Variants in P4HA3 observed in about 807,000 individuals in gnomAD.
The protein encoded by P4HA3 is prolyl 4-hydroxylase subunit alpha 3.
P4HA3 carries 60 observed loss-of-function variants against 66.7 expected under a neutral mutation model. The observed-to-expected ratio is 0.90, with a 90% CI of 0.73 to 1.12. P4HA3 has a LOEUF of 1.12. Ranked by LOEUF, P4HA3 falls within the 50% of genes most tolerant of loss-of-function variation. The probability of loss-of-function intolerance (pLI) is 0.00; values close to 1 mark genes in which losing one functional copy is unlikely to be tolerated. For missense variants in P4HA3, 683 were observed against 685.8 expected (o/e 1.00, Z 0.05); for synonymous variants, 263 against 274.6 (o/e 0.96, Z 0.42).
Position 74,302,598 on chromosome 11 carries a change from A to C in P4HA3, c.344-6T>G. 2.5e-6 allele frequency: 4 copies of C among 1,606,954 alleles called. No homozygotes were observed. The highest frequency in any genetic ancestry group is 3.4e-6 in the Non-Finnish European group (4 of 1,176,566). ...CTCATAGCCATCCTTCAGAGCTGTA[A>C]AAGTAGTAAAAACATCAACCCAGCA... On this transcript the variant is annotated splice_region_variant and splice_polypyrimidine_tract_variant and intron_variant, in intron 2 of 12. Coordinates refer to ENST00000331597, the MANE Select transcript of P4HA3 (RefSeq NM_182904.5).
chr11:74,267,443 C>T, intron 12 of P4HA3, 125 bp from the exon 13 acceptor site: 1 of 1,219,994 alleles, frequency 8.2e-7, no homozygotes, highest in Non-Finnish European at 1.1e-6. Flanking sequence ...CTAGGTAACT[C>T]ACTTGCCCAG....
At chr11:74,308,925 A>G (rs1438908000) in intron 1 of P4HA3, among the ~76,000 whole-genome samples, 2 of 152,240 alleles carry the variant, frequency 1.3e-5, no homozygotes, top group Non-Finnish European at 1.5e-5. Context: ...TTAGGAAACT[A>G]AAGCTCAAAG....
intron 15 of P4HA3, chr11:74,253,697 C>G: frequency 1.5e-6 from 1 of 672,716 alleles, no homozygotes; most frequent in Non-Finnish European, 2.6e-6. Flanking sequence ...TTCCAGGGCC[C>G]TTGACCAACA....
chr11:74,289,132 T>C lies in P4HA3; in HGVS notation c.718-2A>G, dbSNP rs1203148419. 6.4e-7 allele frequency: 1 copy of C among 1,567,868 alleles called. No homozygotes were observed. Among genetic ancestry groups the C allele is most frequent in the Admixed American group, 1.8e-5 (1 of 54,068 alleles). ...GAGGGCACACGAAACATTTCCTGCC[T>C]GTTAAAAAAAAAAAAAAGAAAAGAA... is the stretch of plus-strand genomic sequence containing the variant. On this transcript the variant is annotated splice_acceptor_variant, in intron 4 of 12. Coordinates refer to ENST00000331597, the MANE Select transcript of P4HA3 (RefSeq NM_182904.5). LOFTEE classifies it high-confidence loss of function.
At chr11:74,259,062 G>C (rs1315661196) in intron 15 of P4HA3, among the ~76,000 whole-genome samples, 1 of 152,166 alleles carries the variant, frequency 6.6e-6, no homozygotes, top group Non-Finnish European at 1.5e-5. Context: ...CCTGGGGCCT[G>C]AGAGCAGTGG....
intron 15 of P4HA3, chr11:74,251,878 A>G: frequency 1.1e-6 from 1 of 934,088 alleles, no homozygotes; most frequent in Non-Finnish European, 1.7e-6. Context: ...GTTTCTACAA[A>G]GCCATGGTTG....
intron 12 of P4HA3, 95 bp downstream of exon 12, chr11:74,268,050 G>T: frequency 9.4e-7 from 1 of 1,063,788 alleles, no homozygotes; most frequent in Non-Finnish European, 1.4e-6. Flanking sequence ...TGAAGCGTTT[G>T]GAATGGGATG....
At chr11:74,260,474 AG>A (rs1187797877) in intron 14 of P4HA3, among the ~76,000 whole-genome samples, 1 of 152,184 alleles carries the variant, frequency 6.6e-6, no homozygotes. Context: ...CACAATTGGG[AG>A]GGGGGCCCCT....
At position 74,266,729 on chromosome 11, in the gene P4HA3, T is replaced by TA. The variant is rs1413662304; in HGVS notation, c.*518dup. On this transcript the variant is annotated 3_prime_UTR_variant, in exon 13 of 13. Coordinates refer to ENST00000331597, the MANE Select transcript of P4HA3 (RefSeq NM_182904.5). ...AAAGAAAAGAAAGTTGTTTTCAACT[T>TA]AAAAAAAATCCTTATATAATGTACC... 8.7e-5 allele frequency: 20 copies of TA among 229,456 alleles called. No homozygotes were observed. Among genetic ancestry groups the TA allele is most frequent in the East Asian group, 5.7e-4 (6 of 10,602 alleles). The allele number at this position is 229,456 out of a possible 1,614,324, so 14.2% of individuals were successfully genotyped here. A position where few individuals can be genotyped will look rare whatever the true frequency, so the allele number is the denominator to read the frequency against.
At chr11:74,305,699 A>G (rs886688094) in intron 1 of P4HA3, among the ~76,000 whole-genome samples, 6 of 152,218 alleles carry the variant, frequency 3.9e-5, no homozygotes, top group African/African-American at 1.4e-4. Flanking sequence ...TAGGGATACA[A>G]AGGCAAGACG....
intron 2 of P4HA3, among the ~76,000 whole-genome samples, chr11:74,302,948 C>T (rs1418062906): frequency 3.5e-5 from 5 of 143,442 alleles, no homozygotes; most frequent in South Asian, 2.2e-4. Context: ...TCTTTTCTTT[C>T]TTTTCTTTCT....
intron 1 of P4HA3, among the ~76,000 whole-genome samples, chr11:74,305,770 C>T (rs1040498088): frequency 7.6e-4 from 115 of 152,150 alleles, no homozygotes; most frequent in African/African-American, 2.6e-3. Context: ...TCATTCTATA[C>T]CTAAATTCAA....
chr11:74,279,852 G>A (rs544822364), intron 7 of P4HA3, among the ~76,000 whole-genome samples: 53 of 152,258 alleles, frequency 3.5e-4, no homozygotes, highest in African/African-American at 1.3e-3. Flanking sequence ...TAAGCACTTC[G>A]TAAGTGTTTG....
chr11:74,256,082 CTA>C (rs1191233998), intron 15 of P4HA3: 9 of 404,304 alleles, frequency 2.2e-5, no homozygotes, highest in African/African-American at 1.2e-4. Flanking sequence ...CACAGCAACT[CTA>C]TGAGGTAGGT....
intron 1 of P4HA3, among the ~76,000 whole-genome samples, chr11:74,310,666 T>C (rs11236051): frequency 0.036 from 5,503 of 152,246 alleles, 318 homozygotes; most frequent in African/African-American, 0.12. Flanking sequence ...TGGCTCTTAG[T>C]AGGCACTCAA....
At chr11:74,290,363 G>A (rs1260503218) in intron 4 of P4HA3, among the ~76,000 whole-genome samples, 5 of 151,166 alleles carry the variant, frequency 3.3e-5, no homozygotes, top group South Asian at 2.1e-4. Flanking sequence ...CAGATGAGTA[G>A]GTTGCGAAAA....
Position 74,281,869 on chromosome 11 carries a change from T to TATAATAATAATAATAATA in P4HA3, c.1111-2435_1111-2418dup, listed in dbSNP as rs57363098. On this transcript the variant is annotated intron_variant, in intron 7 of 12. Transcript: ENST00000331597. The stretch of plus-strand genomic sequence containing the variant: ...TGCACATGTACCCTAAAACTTAAAG[T>TATAATAATAATAATAATA]ATAATAATAATAATAATAATAATAA... Among the ~76,000 whole-genome samples the TATAATAATAATAATAATA allele has an allele frequency of 5.0e-3, 716 of 144,510 alleles. 6 individuals are homozygous for TATAATAATAATAATAATA. Among genetic ancestry groups the TATAATAATAATAATAATA allele is most frequent in the South Asian group, 0.011 (51 of 4,548 alleles). The allele number at this position is 144,510 out of a possible 152,430, so 94.8% of individuals were successfully genotyped here.
intron 7 of P4HA3, chr11:74,285,513 T>C (rs1323244523): frequency 1.5e-5 from 4 of 271,658 alleles, no homozygotes; most frequent in African/African-American, 8.7e-5. Flanking sequence ...GACCATTTGG[T>C]GAGTTTTGAC....
At chr11:74,282,944 G>A (rs1860657799) in intron 7 of P4HA3, among the ~76,000 whole-genome samples, 1 of 152,210 alleles carries the variant, frequency 6.6e-6, no homozygotes, top group Non-Finnish European at 1.5e-5. Flanking sequence ...CGGGCCCAGC[G>A]AAGGTGCAGG....
Sources: allele counts gnomAD v4.1 joint callset (sites outside exome capture counted in the v4.1 genomes callset), GRCh38; gene constraint gnomAD v4.1.1; transcripts MANE v1.5; gene names NCBI Gene and HGNC (gene_info 2026-07-23, HGNC 2026-07-21).